WWC1: variants seen among roughly 807,000 people sequenced by gnomAD.
WWC1 encodes the protein protein KIBRA.
Under a neutral mutation model 138.4 loss-of-function variants are expected in WWC1, and 55 were observed. The observed-to-expected ratio is 0.40, with a 90% confidence interval of 0.32 to 0.50. WWC1 has a LOEUF of 0.50. Among genes scored for constraint, WWC1 ranks in the 20% least tolerant of loss-of-function variants. The probability of loss-of-function intolerance (pLI) is 0.72; values close to 1 mark genes in which losing one functional copy is unlikely to be tolerated. For missense variants in WWC1, 1,226 were observed against 1,420.4 expected, an observed-to-expected ratio of 0.86 and a Z score of 2.20; for synonymous variants, 524 against 564.9, an observed-to-expected ratio of 0.93 and a Z score of 1.03.
At chr5:168,466,993 G>A (rs1054517770) in intron 21 of WWC1, among the ~76,000 whole-genome samples, 1 of 152,206 alleles carries the variant, frequency 6.6e-6, no homozygotes, top group Non-Finnish European at 1.5e-5. Flanking sequence ...CGGACGCGGT[G>A]GCTCACGCCT....
At chr5:168,428,268 C>A in intron 12 of WWC1, 127 bp downstream of exon 12, 1 of 860,832 alleles carries the variant, frequency 1.2e-6, no homozygotes, top group Non-Finnish European at 1.8e-6. Context: ...CCCAAGAGGG[C>A]ATGACCCCAC....
intron 1 of WWC1, among the ~76,000 whole-genome samples, chr5:168,362,204 G>T (rs1198918117): frequency 6.6e-6 from 1 of 152,254 alleles, no homozygotes; most frequent in Non-Finnish European, 1.5e-5. Flanking sequence ...CTGTGGGGCA[G>T]GTCTGAATGG....
chr5:168,421,060 G>A (rs13158708), intron 9 of WWC1, among the ~76,000 whole-genome samples: 24,696 of 152,124 alleles, frequency 0.16, 2,180 homozygotes, highest in South Asian at 0.35. Flanking sequence ...TTCATACAAC[G>A]GGTTTATTTT....
intron 1 of WWC1, among the ~76,000 whole-genome samples, chr5:168,358,877 CTT>C (rs1775661683): frequency 6.6e-6 from 1 of 151,996 alleles, no homozygotes; most frequent in African/African-American, 2.4e-5. Flanking sequence ...ATCTCCAAAA[CTT>C]TTCTTGTGCC....
rs748259777 is a variant in WWC1 at position 168,423,956 on chromosome 5, G to T, written c.1698G>T (p.Glu566Asp). The stretch of plus-strand genomic sequence containing the variant: ...GTGATGCCTTCCTCAACTCCTTGGA[G>T]TTTGAAGACCCGGAGCTGAGTGCCA... ...LAGDAFLNSLEFEDPELSATL... is the reference protein window; with the variant it reads ...LAGDAFLNSLDFEDPELSATL... Residue 566 changes from glutamate to aspartate, a missense_variant, in exon 11 of 23, where the codon GAG becomes GAT. Physicochemically the swap from Glu to Asp is conservative, Grantham distance 45. Coordinates refer to ENST00000265293, the MANE Select transcript of WWC1 (RefSeq NM_015238.3). The T allele has an allele frequency of 1.2e-6, 2 of 1,614,136 alleles. No individual in the cohort carries two copies. Among genetic ancestry groups the T allele is most frequent in the Admixed American group, 1.7e-5 (1 of 60,026 alleles).
chr5:168,345,377 G>GT (rs1774381703), intron 1 of WWC1, among the ~76,000 whole-genome samples: 1 of 152,222 alleles, frequency 6.6e-6, no homozygotes, highest in African/African-American at 2.4e-5. Flanking sequence ...GATTACAGGG[G>GT]TGAGCTACCA....
intron 15 of WWC1, among the ~76,000 whole-genome samples, chr5:168,439,877 T>C (rs922235055): frequency 5.9e-5 from 9 of 152,222 alleles, no homozygotes; most frequent in South Asian, 2.1e-4. Flanking sequence ...TATTTCCCCA[T>C]AACCTCACCA....
At position 168,430,371 on chromosome 5, in the gene WWC1, C is replaced by T. The variant is rs1057181420; in HGVS notation, c.2087+148C>T. 15 of 618,864 alleles carry T rather than the reference C, an allele frequency of 2.4e-5. No individual in the cohort carries two copies. The Admixed American group carries it at 4.0e-4, about 16-fold the overall frequency. 38.3% of individuals were successfully genotyped at this position (618,864 alleles called of 1,614,324 possible). A position where few individuals can be genotyped will look rare whatever the true frequency, so the allele number is the denominator to read the frequency against. On this transcript the variant is annotated intron_variant, in intron 14 of 22. Transcript: ENST00000265293. ...TGCATATGACTGTGATGCTGAATGTCGGTGCTGTGCATGTGAATACAGGCA... is the reference window on the plus strand; with the variant it reads ...TGCATATGACTGTGATGCTGAATGTTGGTGCTGTGCATGTGAATACAGGCA...
chr5:168,297,440 A>G (rs1465173173), intron 1 of WWC1, among the ~76,000 whole-genome samples: 3 of 152,128 alleles, frequency 2.0e-5, no homozygotes, highest in Non-Finnish European at 2.9e-5. Flanking sequence ...CAGCCTGACC[A>G]ATATGGAGAA....
chr5:168,297,645 A>G (rs1441303419), intron 1 of WWC1, among the ~76,000 whole-genome samples: 4 of 151,766 alleles, frequency 2.6e-5, no homozygotes, highest in African/African-American at 4.8e-5. Context: ...AAAAAAAAAA[A>G]AAGAAATTGA....
chr5:168,374,240 A>G (rs555036407), intron 2 of WWC1, among the ~76,000 whole-genome samples: 2 of 152,302 alleles, frequency 1.3e-5, no homozygotes, highest in South Asian at 4.1e-4. Flanking sequence ...GGCAGGAGAG[A>G]CAAAAAATAA....
Position 168,292,305 on chromosome 5 carries a change from AC to A in WWC1, c.119+39del. ...CTGGAACCCTCCTCCGTGCCCCCACACCCCCGCCTGGGCCCCCACCTGCCCC... is the reference window on the plus strand; with the variant it reads ...CTGGAACCCTCCTCCGTGCCCCCACACCCCGCCTGGGCCCCCACCTGCCCC... On this transcript the variant is annotated intron_variant, in intron 1 of 22. Coordinates refer to ENST00000265293, the MANE Select transcript of WWC1 (RefSeq NM_015238.3). This position sits in a 1 kb window ranked among gnomAD's most constrained non-coding sequence, Gnocchi z 4.4. The A allele has an allele frequency of 6.5e-7, 1 of 1,547,408 alleles. No individual in the cohort carries two copies. Among genetic ancestry groups the A allele is most frequent in the African/African-American group, 1.4e-5 (1 of 71,480 alleles).
intron 1 of WWC1, among the ~76,000 whole-genome samples, chr5:168,342,759 A>C (rs1459893751): frequency 6.6e-6 from 1 of 152,184 alleles, no homozygotes; most frequent in East Asian, 1.9e-4. Context: ...AAGGAAACCC[A>C]TGAATGACTG....
chr5:168,388,554 G>A (rs1292120082), intron 3 of WWC1, among the ~76,000 whole-genome samples: 1 of 152,202 alleles, frequency 6.6e-6, no homozygotes, highest in African/African-American at 2.4e-5. Context: ...ACTCAGTCGG[G>A]CACAGTGGCT....
chr5:168,370,447 C>G (rs1010411828), intron 1 of WWC1, among the ~76,000 whole-genome samples: 12 of 152,208 alleles, frequency 7.9e-5, no homozygotes, highest in African/African-American at 2.9e-4. Context: ...TTGTACTTCA[C>G]TTTGCCAGTC....
At chr5:168,459,311 A>G (rs992079426) in intron 19 of WWC1, among the ~76,000 whole-genome samples, 3 of 151,604 alleles carry the variant, frequency 2.0e-5, no homozygotes, top group African/African-American at 7.3e-5. Context: ...CTGGTACCAC[A>G]TGCAACCAGT....
At chr5:168,442,301 G>A (rs1411291035) in intron 16 of WWC1, among the ~76,000 whole-genome samples, 1 of 152,020 alleles carries the variant, frequency 6.6e-6, no homozygotes, top group Non-Finnish European at 1.5e-5. Flanking sequence ...TCTAATATGA[G>A]CCTTAAAAGG....
At chr5:168,389,139 C>G (rs983411613) in intron 3 of WWC1, among the ~76,000 whole-genome samples, 1 of 152,028 alleles carries the variant, frequency 6.6e-6, no homozygotes, top group African/African-American at 2.4e-5. Flanking sequence ...GAGAATGAAA[C>G]ATTCACATGA....
chr5:168,404,370 T>C (rs1240872303), intron 5 of WWC1, among the ~76,000 whole-genome samples: 1 of 152,238 alleles, frequency 6.6e-6, no homozygotes, highest in Admixed American at 6.5e-5. Flanking sequence ...GGGCCGGTCC[T>C]TGCCGACCTG....
Sources: allele counts gnomAD v4.1 joint callset (sites outside exome capture counted in the v4.1 genomes callset), GRCh38; gene constraint gnomAD v4.1.1; non-coding constraint Gnocchi (gnomAD v3.1); transcripts MANE v1.5; gene names NCBI Gene and HGNC (gene_info 2026-07-23, HGNC 2026-07-21).